ANKRD28: variants seen among roughly 807,000 people sequenced by gnomAD.
ANKRD28 encodes the protein ankyrin repeat domain 28.
In ANKRD28, 44 loss-of-function variants were observed where a neutral mutation model predicts 126.5. The ratio of observed to expected loss-of-function variants is 0.35; its 90% confidence interval spans 0.27 to 0.45. The LOEUF (loss-of-function observed/expected upper bound fraction) is 0.45. ANKRD28 is among the 20% of genes least tolerant of loss of function. The probability of loss-of-function intolerance (pLI) is 1.00; values close to 1 mark genes in which losing one functional copy is unlikely to be tolerated. For synonymous variants in ANKRD28, 442 were observed against 468.5 expected (o/e 0.94, Z 0.73); for missense variants, 1,110 against 1,316.6 (o/e 0.84, Z 2.43).
rs1435782710 is a variant in ANKRD28, at chr3:15,839,766, T to C, written c.27+19611A>G. 6.6e-6 allele frequency among the ~76,000 whole-genome samples: 1 copy of C among 152,184 alleles called. No individual in the cohort carries two copies. Among genetic ancestry groups the C allele is most frequent in the Non-Finnish European group, 1.5e-5 (1 of 68,038 alleles). The stretch of plus-strand genomic sequence containing the variant: ...GTTCAACACATGCAATCAATTAATA[T>C]GATACATCATATCAACAAAATGAAG... On this transcript the variant is annotated intron_variant, in intron 1 of 27. Coordinates refer to the ANKRD28 transcript ENST00000399451. This position sits in a 1 kb window ranked among gnomAD's most constrained non-coding sequence, Gnocchi z 4.3.
upstream of ANKRD28, among the ~76,000 whole-genome samples, chr3:15,802,647 T>C (rs1575734846): frequency 6.6e-6 from 1 of 152,270 alleles, no homozygotes; most frequent in Admixed American, 6.5e-5. Context: ...TGGAAAATAA[T>C]TCATATTTTC....
intron 1 of ANKRD28, among the ~76,000 whole-genome samples, chr3:15,823,122 C>A (rs1318580604): frequency 6.6e-6 from 1 of 152,168 alleles, no homozygotes; most frequent in Non-Finnish European, 1.5e-5. Flanking sequence ...ACAATTTTTC[C>A]ATGGAGCGGG....
rs145741302 is a variant in ANKRD28 at position 15,701,528 on chromosome 3, C to T, written c.1548-5283G>A. Reference sequence around the variant, plus strand: ...GCATGGTGGCACACACCTGTAATCCCAGCTCCTCGGGAGGCTGAGGCAGGA... The same window carrying T: ...GCATGGTGGCACACACCTGTAATCCTAGCTCCTCGGGAGGCTGAGGCAGGA... On this transcript the variant is annotated intron_variant, in intron 14 of 27. Coordinates refer to ENST00000683139, the MANE Select transcript of ANKRD28 (RefSeq NM_001349278.2). Among the ~76,000 whole-genome samples, 617 of 152,220 alleles carry T rather than the reference C, an allele frequency of 4.1e-3. 1 individual carries two copies. Among genetic ancestry groups the T allele is most frequent in the East Asian group, 0.023 (117 of 5,182 alleles).
intron 3 of ANKRD28, among the ~76,000 whole-genome samples, chr3:15,755,173 C>A (rs11922704): frequency 0.042 from 6,339 of 152,146 alleles, 458 homozygotes; most frequent in African/African-American, 0.14. Flanking sequence ...TCATGCATTT[C>A]TTCTAAGAGC....
chr3:15,805,066 GTGTAGATTCA>G lies in ANKRD28; in HGVS notation c.28-9770_28-9761del, dbSNP rs1219944962. On this transcript the variant is annotated intron_variant, in intron 1 of 27. Transcript: ENST00000399451. ...GAGTTTCACTGACTTTTCCAAGTAA[GTGTAGATTCA>G]ACAGTTACACATATGAACTTAAGGT... is the stretch of plus-strand genomic sequence containing the variant. Among the ~76,000 whole-genome samples, 27 of 145,580 alleles carry G rather than the reference GTGTAGATTCA, an allele frequency of 1.9e-4. 3 individuals are homozygous for G. Among genetic ancestry groups the G allele is most frequent in the Middle Eastern group, 3.4e-3 (1 of 292 alleles).
At chr3:15,792,380 G>A (rs1367271514) in intron 2 of ANKRD28, among the ~76,000 whole-genome samples, 2 of 152,046 alleles carry the variant, frequency 1.3e-5, no homozygotes, top group East Asian at 1.9e-4. Flanking sequence ...TGGAGTACTC[G>A]TCAGCCATAA....
chr3:15,762,224 A>AAAAAC (rs1559489426), intron 3 of ANKRD28, among the ~76,000 whole-genome samples: 32 of 107,676 alleles, frequency 3.0e-4, no homozygotes, highest in Admixed American at 8.2e-4. Flanking sequence ...CAAAACAAAA[A>AAAAAC]AAAAAAAACT....
intron 26 of ANKRD28, 79 bp from the exon 27 acceptor site, chr3:15,676,068 C>A: frequency 8.2e-7 from 1 of 1,217,828 alleles, no homozygotes. Flanking sequence ...TGTCAAAGAG[C>A]ATTTTTGTCA....
intron 1 of ANKRD28, among the ~76,000 whole-genome samples, chr3:15,851,438 G>A (rs975028692): frequency 6.6e-6 from 1 of 152,052 alleles, no homozygotes; most frequent in Non-Finnish European, 1.5e-5. Flanking sequence ...CAGCTACTTG[G>A]GGGGCTGAGG....
rs938354553 is a variant in ANKRD28, at chr3:15,797,577, G to A, written c.-1056C>T. On this transcript the variant is annotated 5_prime_UTR_variant, in exon 1 of 28. Transcript: ENST00000683139. ...TTTCTTTAAAAAAAAAAAGGGGGGGGAAAAACATAGTAGTGTATCATTCCA... is the reference window on the plus strand; with the variant it reads ...TTTCTTTAAAAAAAAAAAGGGGGGGAAAAAACATAGTAGTGTATCATTCCA... 3.1e-6 allele frequency: 3 copies of A among 983,478 alleles called. No homozygotes were observed. The highest frequency in any genetic ancestry group is 4.7e-5 in the South Asian group (1 of 21,224). 60.9% of individuals were successfully genotyped at this position (983,478 alleles called of 1,614,324 possible).
chr3:15,848,141 C>G (rs2125986888), intron 1 of ANKRD28, among the ~76,000 whole-genome samples: 2 of 152,244 alleles, frequency 1.3e-5, no homozygotes, highest in South Asian at 2.1e-4. Flanking sequence ...ACAAATGTAG[C>G]TAACTGGAAT....
chr3:15,819,874 A>C (rs1256100134), intron 1 of ANKRD28, among the ~76,000 whole-genome samples: 1 of 152,334 alleles, frequency 6.6e-6, no homozygotes, highest in Admixed American at 6.5e-5. Flanking sequence ...TCTAATTCAG[A>C]GCTAAGGTTT....
At chr3:15,827,355 T>C (rs923075965) in intron 1 of ANKRD28, among the ~76,000 whole-genome samples, 1 of 152,142 alleles carries the variant, frequency 6.6e-6, no homozygotes, top group South Asian at 2.1e-4. Context: ...AGCCAAAACA[T>C]AGAATCAACC....
intron 25 of ANKRD28, among the ~76,000 whole-genome samples, chr3:15,677,257 A>C (rs1025085125): frequency 2.0e-5 from 3 of 152,158 alleles, no homozygotes; most frequent in African/African-American, 4.8e-5. Context: ...AAGATTAAGG[A>C]AAGAGGATAA....
At chr3:15,691,614 A>G (rs2068814640) in intron 17 of ANKRD28, among the ~76,000 whole-genome samples, 1 of 152,246 alleles carries the variant, frequency 6.6e-6, no homozygotes, top group South Asian at 2.1e-4. Context: ...AGCAAGAGAT[A>G]AACTTGCTCT....
chr3:15,741,749 C>G (rs1476644372), intron 4 of ANKRD28, among the ~76,000 whole-genome samples: 1 of 72,460 alleles, frequency 1.4e-5, no homozygotes, highest in African/African-American at 5.4e-5. Context: ...GCAATTCTTA[C>G]CATTGATTTG....
intron 1 of ANKRD28, among the ~76,000 whole-genome samples, chr3:15,809,170 T>A (rs973162504): frequency 2.0e-5 from 3 of 152,150 alleles, no homozygotes; most frequent in Admixed American, 2.0e-4. Context: ...CCTTACTTCA[T>A]CTCCCACTTT....
chr3:15,782,177 T>TA (rs1232365062), intron 2 of ANKRD28, among the ~76,000 whole-genome samples: 3 of 152,078 alleles, frequency 2.0e-5, no homozygotes, highest in Non-Finnish European at 4.4e-5. Context: ...TTAGGAGTGA[T>TA]ATCACCTCCA....
intron 3 of ANKRD28, among the ~76,000 whole-genome samples, chr3:15,760,550 T>C (rs2058404789): frequency 6.6e-6 from 1 of 151,994 alleles, no homozygotes; most frequent in African/African-American, 2.4e-5. Flanking sequence ...CAGAGTAGAG[T>C]AAACTAGGAG....
Sources: gnomAD v4.1 joint callset for allele counts (sites outside exome capture counted in the v4.1 genomes callset) on GRCh38, gnomAD v4.1.1 for gene constraint, Gnocchi (gnomAD v3.1) non-coding constraint, MANE v1.5 for transcripts, NCBI Gene and HGNC (gene_info 2026-07-23, HGNC 2026-07-21) for gene names.